The following TRIP11 variants were observed in gnomAD, a reference collection of about 807,000 sequenced individuals.
TRIP11 encodes thyroid hormone receptor interactor 11.
In TRIP11, 148 loss-of-function variants were observed where a neutral mutation model predicts 223.1. The observed-to-expected ratio is 0.66, with a 90% CI of 0.58 to 0.76. The LOEUF is 0.76. Among genes scored for constraint, TRIP11 ranks in the 30% least tolerant of loss-of-function variants. TRIP11 has a pLI of 0.00. For missense variants in TRIP11, 2,043 were observed against 2,222.0 expected, an observed-to-expected ratio of 0.92 and a Z score of 1.62; for synonymous variants, 762 against 772.6, an observed-to-expected ratio of 0.99 and a Z score of 0.23.
At chr14:92,038,345 T>C (rs1339937414) in intron 1 of TRIP11, among the ~76,000 whole-genome samples, 1 of 152,164 alleles carries the variant, frequency 6.6e-6, no homozygotes, top group African/African-American at 2.4e-5. Context: ...TCATTTCCCA[T>C]AGTTATCCAG....
rs781736512 is a variant in TRIP11 at position 92,005,728 on chromosome 14, G to A, written c.2248C>T (p.Arg750Cys). 25 of 1,613,742 alleles carry A rather than the reference G, an allele frequency of 1.5e-5. No homozygotes were observed. Among genetic ancestry groups the A allele is most frequent in the South Asian group, 8.8e-5 (8 of 91,074 alleles). ...EKTIEELSNA[R>C]NLNTSALQLE... ...TGTAAGGCAGAGGTATTCAAATTAC[G>A]TGCATTTGACAGTTCTTCAATGGTT... The change falls in exon 11 of 21, where the codon CGT (arginine) becomes TGT (cysteine). Residue 750 changes from arginine (R) to cysteine (C), a missense_variant. Arg to Cys is a radical substitution (Grantham distance 180). Coordinates refer to ENST00000267622, the MANE Select transcript of TRIP11 (RefSeq NM_004239.4).
chr14:92,022,711 G>A (rs2057129783), intron 3 of TRIP11, among the ~76,000 whole-genome samples: 1 of 152,206 alleles, frequency 6.6e-6, no homozygotes, highest in Non-Finnish European at 1.5e-5. Context: ...TGCCACAACT[G>A]AGGAAAATTT....
chr14:92,026,980 C>T (rs2057197409), intron 2 of TRIP11: 1 of 908,180 alleles, frequency 1.1e-6, no homozygotes, highest in Non-Finnish European at 1.7e-6. Context: ...TGGTCACCTT[C>T]AAGTAGAGAG....
At position 92,010,944 on chromosome 14, in the gene TRIP11, C is replaced by T. The variant is rs772044297; in HGVS notation, c.1314+42G>A. ...ACTGGCCCTTGGCTGTGACCTGTTA[C>T]ACATACCATTTTAATTCTGCCCCCA... On this transcript the variant is annotated intron_variant, in intron 9 of 20. Coordinates refer to ENST00000267622, the MANE Select transcript of TRIP11 (RefSeq NM_004239.4). 5.6e-5 allele frequency: 88 copies of T among 1,577,026 alleles called. 1 individual carries two copies. In the South Asian group the frequency reaches 9.5e-4, roughly 17 times the overall value.
chr14:91,972,254 A>G, intron 20 of TRIP11, among the ~76,000 whole-genome samples: 1 of 152,330 alleles, frequency 6.6e-6, no homozygotes, highest in African/African-American at 2.4e-5. Flanking sequence ...TATATATATT[A>G]ACATGCCAAT....
intron 16 of TRIP11, among the ~76,000 whole-genome samples, chr14:91,979,074 T>C (rs1052033143): frequency 4.0e-5 from 6 of 151,842 alleles, no homozygotes; most frequent in Non-Finnish European, 7.4e-5. Context: ...CTGGGCAACA[T>C]AGCAGAACCC....
At position 92,015,797 on chromosome 14, in the gene TRIP11, T is replaced by C. The variant is rs1404756187; in HGVS notation, c.722A>G (p.Asn241Ser). 1 of 1,613,560 alleles carries C rather than the reference T, an allele frequency of 6.2e-7. No individual in the cohort carries two copies. Residue 241 changes from asparagine (N) to serine (S), a missense_variant, in exon 6 of 21, where the codon AAT (asparagine) becomes AGT (serine). Asn to Ser is a conservative substitution (Grantham distance 46, BLOSUM62 1). Coordinates refer to ENST00000267622, the MANE Select transcript of TRIP11 (RefSeq NM_004239.4). ...DHQHEMSVLQ[N>S]AHQQKLTEIS... is the part of the protein sequence containing the mutation. ...TTCTGTCAATTTCTGTTGGTGTGCA[T>C]TCTGCAGTACTGACATTTCATGTTG...
In TRIP11 at chr14:92,006,000, G is replaced by T; in HGVS notation, c.1976C>A (p.Ser659Ter). The T allele has an allele frequency of 1.3e-6, 2 of 1,596,232 alleles. No homozygotes were observed. The highest frequency in any genetic ancestry group is 1.7e-6 in the Non-Finnish European group (2 of 1,174,208). ...AEVRNLKQNL[S>*]ELEQLNENLK... Reference sequence around the variant, plus strand: ...ATTTTCATTGAGCTGTTCTAATTCTGAAAGATTTTGCTTTAAGTTTCTAAC... The same window carrying T: ...ATTTTCATTGAGCTGTTCTAATTCTTAAAGATTTTGCTTTAAGTTTCTAAC... The change falls in exon 11 of 21, where the codon TCA (serine) becomes TAA (stop). Residue 659 changes from serine to a stop codon, truncating the protein, a stop_gained. Coordinates refer to ENST00000267622, the MANE Select transcript of TRIP11 (RefSeq NM_004239.4). LOFTEE classifies it high-confidence loss of function.
At chr14:92,013,773 G>A (rs763415546) in intron 7 of TRIP11, among the ~76,000 whole-genome samples, 1 of 152,020 alleles carries the variant, frequency 6.6e-6, no homozygotes, top group Non-Finnish European at 1.5e-5. Context: ...TTATTTACTG[G>A]TGTTTGGCCT....
intron 16 of TRIP11, among the ~76,000 whole-genome samples, chr14:91,982,932 G>A (rs1045680897): frequency 2.6e-5 from 4 of 152,110 alleles, no homozygotes; most frequent in African/African-American, 4.8e-5. Flanking sequence ...ACATGCATGT[G>A]CACACATACC....
chr14:92,031,716 T>C (rs56924734), intron 2 of TRIP11, among the ~76,000 whole-genome samples: 3,582 of 152,358 alleles, frequency 0.024, 138 homozygotes, highest in African/African-American at 0.073. Flanking sequence ...AGCAGTTCAC[T>C]GAATTCAAAG....
chr14:91,974,527 G>T, intron 19 of TRIP11, 100 bp downstream of exon 19: 1 of 981,644 alleles, frequency 1.0e-6, no homozygotes, highest in Non-Finnish European at 1.6e-6. Flanking sequence ...TAAAAGGGTT[G>T]TATAAAATAA....
In TRIP11 at chr14:92,033,238, G is replaced by C; in HGVS notation, c.155C>G (p.Ser52Cys). 6 of 1,612,600 alleles carry C rather than the reference G, an allele frequency of 3.7e-6. No homozygotes were observed. Among genetic ancestry groups the C allele is most frequent in the Non-Finnish European group, 5.1e-6 (6 of 1,178,960 alleles). ...AATGGCTTCAATTTCCTTTGTCCTA[G>C]AATCAGGTAATTCTGCTACAAGAGA... ...TEEVEAELPD[S>C]RTKEIEAIHA... The change falls in exon 2 of 21, where the codon TCT becomes TGT. Residue 52 changes from serine (S) to cysteine (C), a missense_variant. By Grantham distance (112) the Ser-to-Cys change is moderately radical. Coordinates refer to ENST00000267622, the MANE Select transcript of TRIP11 (RefSeq NM_004239.4).
Position 92,039,842 on chromosome 14 carries a change from G to A in TRIP11, c.-157C>T, listed in dbSNP as rs2057365582. The A allele has an allele frequency of 2.0e-6, 3 of 1,482,524 alleles. No homozygotes were observed. Among genetic ancestry groups the A allele is most frequent in the East Asian group, 2.5e-5 (1 of 40,426 alleles). The allele number at this position is 1,482,524 out of a possible 1,614,324, so 91.8% of individuals were successfully genotyped here. A position where few individuals can be genotyped will look rare whatever the true frequency, so the allele number is the denominator to read the frequency against. ...TCAGGCAAGGCCGACTCCAGGTTCT[G>A]CCTAGAAACGCAGAGGCCTGGCCTG... is the stretch of plus-strand genomic sequence containing the variant. On this transcript the variant is annotated 5_prime_UTR_variant, in exon 1 of 21. Transcript: ENST00000267622.
rs2057365405 is a variant in TRIP11, at chr14:92,039,823, A to G, written c.-138T>C. The G allele has an allele frequency of 2.6e-6, 4 of 1,531,840 alleles. No homozygotes were observed. In the South Asian group the frequency reaches 3.6e-5, roughly 14 times the overall value. The allele number at this position is 1,531,840 out of a possible 1,614,324, so 94.9% of individuals were successfully genotyped here. On this transcript the variant is annotated 5_prime_UTR_variant, in exon 1 of 21. Transcript: ENST00000267622. The stretch of plus-strand genomic sequence containing the variant: ...ATAACACAAAGCTGGGTTCTCAGGC[A>G]AGGCCGACTCCAGGTTCTGCCTAGA...
rs2056369452 is a variant in TRIP11, at chr14:91,969,101, G to T, written c.*572C>A. On this transcript the variant is annotated 3_prime_UTR_variant, in exon 21 of 21. Coordinates refer to ENST00000267622, the MANE Select transcript of TRIP11 (RefSeq NM_004239.4). Reference sequence around the variant, plus strand: ...TCTCTATTTAAAACAAACAAAAAAAGAATCTACACACATGATAATATTGCA... The same window carrying T: ...TCTCTATTTAAAACAAACAAAAAAATAATCTACACACATGATAATATTGCA... 4.5e-6 allele frequency: 1 copy of T among 220,956 alleles called. No homozygotes were observed. Among genetic ancestry groups the T allele is most frequent in the African/African-American group, 2.3e-5 (1 of 43,486 alleles). 13.7% of individuals were successfully genotyped at this position (220,956 alleles called of 1,614,324 possible). A position where few individuals can be genotyped will look rare whatever the true frequency, so the allele number is the denominator to read the frequency against.
At chr14:91,992,195 T>C (rs1178867238) in intron 15 of TRIP11, among the ~76,000 whole-genome samples, 1 of 151,770 alleles carries the variant, frequency 6.6e-6, no homozygotes, top group Non-Finnish European at 1.5e-5. Context: ...ATGGATTGTT[T>C]GGAGCGTCAA....
Position 92,005,860 on chromosome 14 carries a change from C to T in TRIP11, c.2116G>A (p.Glu706Lys), listed in dbSNP as rs756303785. 6.2e-7 allele frequency: 1 copy of T among 1,614,026 alleles called. No individual in the cohort carries two copies. Among genetic ancestry groups the T allele is most frequent in the Non-Finnish European group, 8.5e-7 (1 of 1,179,994 alleles). Residue 706 changes from glutamate to lysine, a missense_variant, in exon 11 of 21, where the codon GAA becomes AAA. Transcript: ENST00000267622. ...CLAGNNQLSLEKNTIVETLKM... is the reference protein window; with the variant it reads ...CLAGNNQLSLKKNTIVETLKM... ...AGAGTCTCCACAATAGTGTTTTTTT[C>T]CAGAGAAAGCTGATTGTTACCAGCA...
At chr14:91,991,817 T>C (rs1169251362) in intron 15 of TRIP11, among the ~76,000 whole-genome samples, 2 of 152,002 alleles carry the variant, frequency 1.3e-5, no homozygotes, top group African/African-American at 4.8e-5. Flanking sequence ...GTGCGGTGGC[T>C]CACGCCTGTA....
Sources: gnomAD v4.1 joint callset for allele counts (sites outside exome capture counted in the v4.1 genomes callset) on GRCh38, gnomAD v4.1.1 for gene constraint, MANE v1.5 for transcripts, NCBI Gene and HGNC (gene_info 2026-07-23, HGNC 2026-07-21) for gene names.